ATP13A4: variants seen among roughly 807,000 people sequenced by gnomAD.
ATP13A4 encodes the protein probable cation-transporting ATPase 13A4.
A neutral mutation model predicts 142.5 loss-of-function variants in ATP13A4; 114 were observed. That is an observed-to-expected ratio of 0.80 (90% CI 0.69 to 0.93). ATP13A4 has a LOEUF of 0.93. Among genes scored for constraint, ATP13A4 ranks in the 40% least tolerant of loss-of-function variants. The pLI is 0.00. For synonymous variants in ATP13A4, 488 were observed against 514.8 expected (o/e 0.95, Z 0.70); for missense variants, 1,392 against 1,454.0 (o/e 0.96, Z 0.69).
At chr3:193,568,513 G>A (rs892289509) in intron 2 of ATP13A4, among the ~76,000 whole-genome samples, 5 of 152,186 alleles carry the variant, frequency 3.3e-5, no homozygotes, top group African/African-American at 9.7e-5. Context: ...GAGCATGTGC[G>A]AGGCTGTGAA....
chr3:193,459,750 TC>T (rs1717845036), intron 13 of ATP13A4, among the ~76,000 whole-genome samples: 1 of 152,190 alleles, frequency 6.6e-6, no homozygotes, highest in Admixed American at 6.5e-5. Flanking sequence ...AAAACATTTT[TC>T]AAATGAACAC....
upstream of ATP13A4, among the ~76,000 whole-genome samples, chr3:193,558,223 G>A (rs996473892): frequency 6.6e-6 from 1 of 152,190 alleles, no homozygotes; most frequent in Non-Finnish European, 1.5e-5. Context: ...TCTAAGTTAA[G>A]TCTTCTATTT....
At chr3:193,451,355 C>T (rs760403571) in intron 17 of ATP13A4, among the ~76,000 whole-genome samples, 11 of 152,194 alleles carry the variant, frequency 7.2e-5, no homozygotes, top group Non-Finnish European at 1.5e-4. Context: ...ATTTCTAGTT[C>T]CTCTGGCTTA....
chr3:193,507,744 T>C (rs1194801255), intron 2 of ATP13A4, among the ~76,000 whole-genome samples: 1 of 152,124 alleles, frequency 6.6e-6, no homozygotes, highest in Admixed American at 6.6e-5. Flanking sequence ...ATATAGTGTG[T>C]AGTAAAAAGT....
At chr3:193,467,281 A>G (rs774753729) in intron 10 of ATP13A4, 35 bp downstream of exon 10, 1 of 1,611,230 alleles carries the variant, frequency 6.2e-7, no homozygotes, top group African/African-American at 1.3e-5. Flanking sequence ...GCAAAAGTAT[A>G]CCATTAAAAA....
At chr3:193,413,339 G>T (rs1420619094) in intron 26 of ATP13A4, among the ~76,000 whole-genome samples, 4 of 152,082 alleles carry the variant, frequency 2.6e-5, no homozygotes, top group Admixed American at 2.6e-4. Flanking sequence ...GACCACTATT[G>T]TACAAATTGA....
At chr3:193,489,895 G>A in intron 6 of ATP13A4, 31 bp from the exon 7 acceptor site, 1 of 1,607,666 alleles carries the variant, frequency 6.2e-7, no homozygotes. Context: ...AGGAAGACAA[G>A]GGAGAGTTTT....
Position 193,442,476 on chromosome 3 carries a change from C to T in ATP13A4, c.2233G>A (p.Ala745Thr), listed in dbSNP as rs746356772. The T allele has an allele frequency of 3.1e-6, 5 of 1,613,958 alleles. No individual in the cohort carries two copies. The highest frequency in any genetic ancestry group is 2.2e-5 in the East Asian group (1 of 44,864). ...SESQKVILIE[A>T]NETTGSSSAS... The stretch of plus-strand genomic sequence containing the variant: ...GATGAGGACCCGGTGGTTTCATTTG[C>T]CTCAATGAGAATGACTTTCTGGCTT... The change falls in exon 19 of 30, where the codon GCA (alanine) becomes ACA (threonine). Residue 745 changes from alanine to threonine, a missense_variant. Transcript: ENST00000342695.
At chr3:193,582,178 T>G (rs1724562040) in intron 1 of ATP13A4, among the ~76,000 whole-genome samples, 1 of 147,926 alleles carries the variant, frequency 6.8e-6, no homozygotes, top group Non-Finnish European at 1.5e-5. Flanking sequence ...GGCGGAGTTT[T>G]CCTCTTGTGG....
intron 29 of ATP13A4, among the ~76,000 whole-genome samples, chr3:193,405,950 C>G (rs926187898): frequency 2.5e-4 from 38 of 152,190 alleles, no homozygotes; most frequent in African/African-American, 8.7e-4. Flanking sequence ...CATTCTGCCA[C>G]TGGGTCTGAG....
chr3:193,489,046 C>CT (rs540240952), intron 7 of ATP13A4, among the ~76,000 whole-genome samples: 1 of 152,190 alleles, frequency 6.6e-6, no homozygotes, highest in South Asian at 2.1e-4. Flanking sequence ...TGGCTTCCAT[C>CT]TTTTTTTGTG....
chr3:193,573,303 A>ATGTACT (rs1454825709), intron 2 of ATP13A4, among the ~76,000 whole-genome samples: 29 of 99,276 alleles, frequency 2.9e-4, no homozygotes, highest in African/African-American at 1.0e-3. Context: ...ATATATATAT[A>ATGTACT]TATACATATA....
intron 2 of ATP13A4, among the ~76,000 whole-genome samples, chr3:193,570,027 C>T (rs968148764): frequency 6.6e-6 from 1 of 152,036 alleles, no homozygotes; most frequent in East Asian, 1.9e-4. Flanking sequence ...CAGCAGGGTG[C>T]GGTGGCTCAT....
chr3:193,403,027 T>C (rs1714327190), intron 29 of ATP13A4, among the ~76,000 whole-genome samples, 163 bp from the exon 30 acceptor site: 1 of 152,190 alleles, frequency 6.6e-6, no homozygotes, highest in Non-Finnish European at 1.5e-5. Context: ...TGGACAGGTA[T>C]TGGTTTCTCA....
chr3:193,555,681 A>G (rs1433489494), upstream of ATP13A4, among the ~76,000 whole-genome samples: 1 of 152,220 alleles, frequency 6.6e-6, no homozygotes, highest in African/African-American at 2.4e-5. Context: ...CATATTTGCT[A>G]CCCTCGTGTT....
chr3:193,438,929 G>T, intron 22 of ATP13A4, 94 bp downstream of exon 22: 1 of 1,301,170 alleles, frequency 7.7e-7, no homozygotes, highest in Non-Finnish European at 1.1e-6. Flanking sequence ...ATAAATGAAT[G>T]TGAGATTATG....
At chr3:193,503,046 G>T (rs906415577) in intron 2 of ATP13A4, among the ~76,000 whole-genome samples, 3 of 151,886 alleles carry the variant, frequency 2.0e-5, no homozygotes, top group East Asian at 3.9e-4. Context: ...GCAGGGGGGG[G>T]AACTATCACT....
chr3:193,485,053 G>A (rs371817908), intron 7 of ATP13A4, among the ~76,000 whole-genome samples: 2 of 152,020 alleles, frequency 1.3e-5, no homozygotes, highest in South Asian at 2.1e-4. Context: ...GTGACATATC[G>A]AAATGTTCTG....
intron 1 of ATP13A4, among the ~76,000 whole-genome samples, chr3:193,520,989 G>A (rs554812114): frequency 1.3e-5 from 2 of 152,228 alleles, no homozygotes; most frequent in South Asian, 4.1e-4. Context: ...TCTCATGATT[G>A]CTATGGGAAA....
Sources: gnomAD v4.1 joint callset for allele counts (sites outside exome capture counted in the v4.1 genomes callset) on GRCh38, gnomAD v4.1.1 for gene constraint, MANE v1.5 for transcripts, NCBI Gene and HGNC (gene_info 2026-07-23, HGNC 2026-07-21) for gene names.